The following NHSL2 variants were observed in gnomAD, a reference collection of about 807,000 sequenced individuals.
NHSL2 encodes NHS like 2.
In NHSL2, 27 loss-of-function variants were observed where a neutral mutation model predicts 53.4. That is an observed-to-expected ratio of 0.51 (90% CI 0.37 to 0.70). The LOEUF (loss-of-function observed/expected upper bound fraction) is 0.70. Among genes scored for constraint, NHSL2 ranks in the 30% least tolerant of loss-of-function variants. The pLI is 0.00. For missense variants in NHSL2, 892 were observed against 980.1 expected (o/e 0.91, Z 1.20); for synonymous variants, 408 against 404.1 (o/e 1.01, Z -0.12).
intron 1 of NHSL2, among the ~76,000 whole-genome samples, chrX:72,112,139 C>G (rs1450770130): frequency 9.2e-6 from 1 of 109,111 alleles, no homozygotes; most frequent in Non-Finnish European, 1.9e-5. Context: ...TAGGAATGGA[C>G]CTGGCATGTT....
intron 1 of NHSL2, among the ~76,000 whole-genome samples, chrX:71,922,477 C>T (rs922152103): frequency 2.7e-5 from 3 of 111,739 alleles, no homozygotes; most frequent in Admixed American, 9.4e-5. Context: ...AGTTTGCCTC[C>T]CAAGCAATAC....
chrX:72,097,945 C>T (rs986186603), intron 1 of NHSL2, among the ~76,000 whole-genome samples: 1 of 112,572 alleles, frequency 8.9e-6, no homozygotes, highest in African/African-American at 3.2e-5. Flanking sequence ...AAGAAAAAAA[C>T]ACACAGACAC....
Position 72,142,318 on chromosome X carries a change from T to A in NHSL2, c.3310T>A (p.Phe1104Ile). Residue 1104 changes from phenylalanine (F) to isoleucine (I), a missense_variant, in exon 7 of 8, where the codon TTT becomes ATT. Phe to Ile is a conservative substitution (Grantham distance 21). Transcript: ENST00000633930. ...GATTGCAGAGGATGATGATGACGTG[T>A]TTGTGGCTTCACGCACAACTGAAGA... ...EWIAEDDDDVFVASRTTEDLF... is the reference protein window; with the variant it reads ...EWIAEDDDDVIVASRTTEDLF... 5 of 1,162,961 alleles carry A rather than the reference T, an allele frequency of 4.3e-6. No homozygotes were observed. Among genetic ancestry groups the A allele is most frequent in the Non-Finnish European group, 5.8e-6 (5 of 868,598 alleles).
intron 1 of NHSL2, among the ~76,000 whole-genome samples, chrX:72,051,646 G>C (rs963196505): frequency 1.8e-5 from 2 of 111,324 alleles, no homozygotes; most frequent in Non-Finnish European, 3.8e-5. Flanking sequence ...ACATGTTCCC[G>C]ATCTACTCCT....
At chrX:71,943,265 G>A (rs1389118020) in intron 1 of NHSL2, among the ~76,000 whole-genome samples, 1 of 111,701 alleles carries the variant, frequency 9.0e-6, no homozygotes, top group Non-Finnish European at 1.9e-5. Context: ...AATATCTCTT[G>A]CACTGTGCTC....
chrX:71,915,321 ACAT>A (rs1199549120), intron 1 of NHSL2, among the ~76,000 whole-genome samples: 1 of 111,431 alleles, frequency 9.0e-6, no homozygotes, highest in African/African-American at 3.3e-5. Context: ...TGGTATATTT[ACAT>A]CATCTGTTCC....
chrX:71,914,594 A>G (rs1357580494), intron 1 of NHSL2, among the ~76,000 whole-genome samples: 1 of 109,857 alleles, frequency 9.1e-6, no homozygotes, highest in Non-Finnish European at 1.9e-5. Flanking sequence ...CGTGGTGAAA[A>G]CTCCCTCTTC....
chrX:72,134,423 A>G, intron 3 of NHSL2, 86 bp from the exon 4 acceptor site: 1 of 906,204 alleles, frequency 1.1e-6, no homozygotes, highest in Non-Finnish European at 1.5e-6. Flanking sequence ...GAAGCCTCCA[A>G]CTACCCAGCC....
intron 1 of NHSL2, among the ~76,000 whole-genome samples, chrX:72,025,561 C>T (rs893102929): frequency 8.9e-6 from 1 of 112,661 alleles, no homozygotes; most frequent in Non-Finnish European, 1.9e-5. Flanking sequence ...CAGGTCTGTC[C>T]GACCAGAGTC....
chrX:72,130,995 G>C (rs746593940), intron 1 of NHSL2: 18 of 1,209,121 alleles, frequency 1.5e-5, no homozygotes, highest in Non-Finnish European at 2.0e-5. Flanking sequence ...CGGCGCCCCC[G>C]GGGAAATGAA....
chrX:72,118,250 G>C (rs758530325), intron 1 of NHSL2, among the ~76,000 whole-genome samples: 89 of 111,748 alleles, frequency 8.0e-4, no homozygotes, highest in Middle Eastern at 4.6e-3. Context: ...TCATGTGCTT[G>C]TTGGCCATTT....
chrX:72,007,283 T>G (rs1424691323), intron 1 of NHSL2, among the ~76,000 whole-genome samples: 1 of 112,728 alleles, frequency 8.9e-6, no homozygotes, highest in Admixed American at 9.3e-5. Context: ...ACATTTGGGA[T>G]TCTGAAAATA....
At chrX:72,105,672 A>G (rs1009567736) in intron 1 of NHSL2, among the ~76,000 whole-genome samples, 1 of 111,543 alleles carries the variant, frequency 9.0e-6, no homozygotes, top group Non-Finnish European at 1.9e-5. Flanking sequence ...TCAAAGAGGG[A>G]TGTCACCACA....
At chrX:71,930,171 T>G (rs756386007) in intron 1 of NHSL2, among the ~76,000 whole-genome samples, 18 of 111,966 alleles carry the variant, frequency 1.6e-4, no homozygotes, top group Middle Eastern at 4.6e-3. Context: ...ACATTCTATC[T>G]GCCCTGCCCA....
intron 1 of NHSL2, among the ~76,000 whole-genome samples, chrX:71,998,753 G>A (rs1019605573): frequency 2.7e-5 from 3 of 111,147 alleles, no homozygotes; most frequent in African/African-American, 9.8e-5. Flanking sequence ...GTGTCTGGCC[G>A]TGGGGTCCTC....
At chrX:71,940,732 G>A (rs1448696149) in intron 1 of NHSL2, among the ~76,000 whole-genome samples, 1 of 109,538 alleles carries the variant, frequency 9.1e-6, no homozygotes, top group Non-Finnish European at 1.9e-5. Context: ...GGGTGAGGGG[G>A]ATGTGGCAAG....
At chrX:71,967,072 G>A (rs1198520471) in intron 1 of NHSL2, among the ~76,000 whole-genome samples, 1 of 111,759 alleles carries the variant, frequency 8.9e-6, no homozygotes, top group Non-Finnish European at 1.9e-5. Flanking sequence ...TTGAATTTGT[G>A]GGCATAGAGT....
intron 1 of NHSL2, among the ~76,000 whole-genome samples, chrX:72,010,831 AG>A (rs995187768): frequency 8.9e-6 from 1 of 112,070 alleles, no homozygotes; most frequent in Non-Finnish European, 1.9e-5. Flanking sequence ...ACAATATACA[AG>A]CAGGGTGTTG....
At chrX:72,016,334 T>C (rs2042135753) in intron 1 of NHSL2, among the ~76,000 whole-genome samples, 1 of 112,357 alleles carries the variant, frequency 8.9e-6, no homozygotes, top group African/African-American at 3.2e-5. Context: ...TTCACTCATT[T>C]GTCTACTTCT....
Sources: allele counts gnomAD v4.1 joint callset (sites outside exome capture counted in the v4.1 genomes callset), GRCh38; gene constraint gnomAD v4.1.1; transcripts MANE v1.5; gene names NCBI Gene and HGNC (gene_info 2026-07-23, HGNC 2026-07-21).